Variants in ZNF335 observed in about 807,000 individuals in gnomAD.
The protein encoded by ZNF335 is zinc finger protein 335.
ZNF335 carries 84 observed loss-of-function variants against 145.6 expected under a neutral mutation model. The ratio of observed to expected loss-of-function variants is 0.58; its 90% confidence interval spans 0.48 to 0.69. ZNF335 has a LOEUF of 0.69. ZNF335 is among the 30% of genes least tolerant of loss of function. The probability of loss-of-function intolerance (pLI) is 0.00; values close to 1 mark genes in which losing one functional copy is unlikely to be tolerated. For synonymous variants in ZNF335, 761 were observed against 717.0 expected, an observed-to-expected ratio of 1.06 and a Z score of -0.98; for missense variants, 1,865 against 1,809.7, an observed-to-expected ratio of 1.03 and a Z score of -0.55.
chr20:45,968,594 A>C, intron 3 of ZNF335: 2 of 450,308 alleles, frequency 4.4e-6, no homozygotes, highest in East Asian at 3.2e-5. Context: ...ACACTTACAC[A>C]AGATGCCACA....
chr20:45,953,916 T>G lies in ZNF335; in HGVS notation c.2475A>C (p.Ala825=). The part of the protein sequence containing the change: ...VAVVKSEDVE[A]GLASPGGQPS... Reference sequence around the variant, plus strand: ...GCTGCCCACCAGGGGATGCTAACCCTGCTTCCACATCTTCCGACTTCACCA... The same window carrying G: ...GCTGCCCACCAGGGGATGCTAACCCGGCTTCCACATCTTCCGACTTCACCA... Residue 825 remains alanine (A), a synonymous_variant, in exon 18 of 28, where the codon GCA becomes GCC. Coordinates refer to ENST00000322927, the MANE Select transcript of ZNF335 (RefSeq NM_022095.4). 4.4e-6 allele frequency: 7 copies of G among 1,608,840 alleles called. No homozygotes were observed. The highest frequency in any genetic ancestry group is 5.9e-6 in the Non-Finnish European group (7 of 1,177,564).
At chr20:45,966,081 T>C (rs943977572) in intron 6 of ZNF335, among the ~76,000 whole-genome samples, 1 of 152,132 alleles carries the variant, frequency 6.6e-6, no homozygotes, top group African/African-American at 2.4e-5. Context: ...TAAATAAACA[T>C]TGAAGTCCAC....
chr20:45,971,043 G>T (rs1281876468), intron 2 of ZNF335, among the ~76,000 whole-genome samples, 167 bp downstream of exon 2: 1 of 152,248 alleles, frequency 6.6e-6, no homozygotes, highest in Non-Finnish European at 1.5e-5. Context: ...TAGAAGGTAT[G>T]AAGCTCAAAT....
rs1355278549 is a variant in ZNF335 at position 45,963,464 on chromosome 20, C to T, written c.1533+9G>A. ...TCCCATGAGCCCCAAGCCTCTTTGG[C>T]TCCCGCACCTTGAGCGAGGACCAGC... On this transcript the variant is annotated intron_variant, in intron 9 of 27. Coordinates refer to ENST00000322927, the MANE Select transcript of ZNF335 (RefSeq NM_022095.4). The T allele has an allele frequency of 6.2e-7, 1 of 1,608,366 alleles. No homozygotes were observed.
Position 45,965,655 on chromosome 20 carries a change from G to A in ZNF335, c.1075C>T (p.Arg359Cys), listed in dbSNP as rs144760385. 2.4e-5 allele frequency: 39 copies of A among 1,599,546 alleles called. 1 individual carries two copies. In the South Asian group the frequency reaches 2.8e-4, roughly 11 times the overall value. The change falls in exon 7 of 28, where the codon CGC (arginine) becomes TGC (cysteine). Residue 359 changes from arginine to cysteine, a missense_variant. Transcript: ENST00000322927. ...TCTGGGAGGTCTGAGATCTCCAGGCGGGGCAGCTTCCGGGGCCGGCCAGGT... is the reference window on the plus strand; with the variant it reads ...TCTGGGAGGTCTGAGATCTCCAGGCAGGGCAGCTTCCGGGGCCGGCCAGGT... ...RRPGRPRKLP[R>C]LEISDLPDGV...
chr20:45,968,649 C>G, intron 3 of ZNF335: 1 of 398,408 alleles, frequency 2.5e-6, no homozygotes, highest in East Asian at 3.7e-5. Context: ...CTGGGAAGTC[C>G]TCCTTCCTCT....
At chr20:45,955,936 T>G (rs1437127616) in intron 17 of ZNF335, among the ~76,000 whole-genome samples, 1 of 152,058 alleles carries the variant, frequency 6.6e-6, no homozygotes, top group Non-Finnish European at 1.5e-5. Context: ...GCTGAGAACA[T>G]CCATGTGATC....
At position 45,963,598 on chromosome 20, in the gene ZNF335, A is replaced by C; in HGVS notation, c.1408T>G (p.Cys470Gly). 1 of 1,614,242 alleles carries C rather than the reference A, an allele frequency of 6.2e-7. No individual in the cohort carries two copies. The highest frequency in any genetic ancestry group is 8.5e-7 in the Non-Finnish European group (1 of 1,180,042). Residue 470 changes from cysteine to glycine, a missense_variant, in exon 9 of 28, where the codon TGT becomes GGT. Physicochemically the swap from Cys to Gly is radical, Grantham distance 159. Transcript: ENST00000322927. ...TCGTGGGACAGAAAGCGAGAACCAC[A>C]GATGCGGCACAGGAAGGGCCTCAAA... ...PLLRPFLCRI[C>G]GSRFLSHEDL...
chr20:45,957,996 C>A lies in ZNF335; in HGVS notation c.2254-68G>T. The stretch of plus-strand genomic sequence containing the variant: ...AGATTCAAGTGCCATTTGCCAAGCA[C>A]CTCTGATCTGCCAGATGTTTTACAT... On this transcript the variant is annotated intron_variant, in intron 15 of 27. Coordinates refer to ENST00000322927, the MANE Select transcript of ZNF335 (RefSeq NM_022095.4). The A allele has an allele frequency of 2.4e-6, 3 of 1,258,512 alleles. No individual in the cohort carries two copies. The South Asian group carries it at 3.6e-5, about 15-fold the overall frequency. 78.0% of individuals were successfully genotyped at this position (1,258,512 alleles called of 1,614,324 possible). A position where few individuals can be genotyped will look rare whatever the true frequency, so the allele number is the denominator to read the frequency against.
chr20:45,960,090 G>T, intron 14 of ZNF335, 118 bp downstream of exon 14: 2 of 1,181,800 alleles, frequency 1.7e-6, no homozygotes, highest in Non-Finnish European at 2.4e-6. Flanking sequence ...TGAAGGACTT[G>T]GGCTGTTCTG....
Position 45,950,562 on chromosome 20 carries a change from G to A in ZNF335, c.3223C>T (p.His1075Tyr). 1 of 1,614,122 alleles carries A rather than the reference G, an allele frequency of 6.2e-7. No individual in the cohort carries two copies. The highest frequency in any genetic ancestry group is 8.5e-7 in the Non-Finnish European group (1 of 1,180,038). Residue 1075 changes from histidine to tyrosine, a missense_variant, in exon 21 of 28, where the codon CAC becomes TAC. Coordinates refer to ENST00000322927, the MANE Select transcript of ZNF335 (RefSeq NM_022095.4). ...HMAQHSSLRP[H>Y]QCSQCSFASK... ...GCAAAGCTGCACTGGCTACACTGGT[G>A]GGGCCGTAGGCTTGAGTGCTGTGCC...
chr20:45,951,918 G>A (rs2083640090), intron 20 of ZNF335, among the ~76,000 whole-genome samples: 1 of 152,194 alleles, frequency 6.6e-6, no homozygotes, highest in South Asian at 2.1e-4. Context: ...CTGCACCCTT[G>A]GTTCACACTC....
At position 45,952,261 on chromosome 20, in the gene ZNF335, G is replaced by C. The variant is rs776787665; in HGVS notation, c.3075C>G (p.Ala1025=). 87 of 1,613,258 alleles carry C rather than the reference G, an allele frequency of 5.4e-5. No homozygotes were observed. The highest frequency in any genetic ancestry group is 6.9e-5 in the Non-Finnish European group (81 of 1,180,024). The change falls in exon 20 of 28, where the codon GCC becomes GCG. Residue 1025 remains alanine (A), a synonymous_variant. Transcript: ENST00000322927. ...TCTCAGCTCGGCCAGGGAAGGCCTCGGCACAGATCTTGCAGGAAAACTTCT... is the reference window on the plus strand; with the variant it reads ...TCTCAGCTCGGCCAGGGAAGGCCTCCGCACAGATCTTGCAGGAAAACTTCT... The part of the protein sequence containing the change: ...ASKKFSCKIC[A]EAFPGRAEME...
Position 45,960,567 on chromosome 20 carries a change from T to A in ZNF335, c.1783-42A>T, listed in dbSNP as rs773562874. Reference sequence around the variant, plus strand: ...GCAGTGAGATGGCGATCACCCTCCATCACCCAGGGGAGGCCCTCCTCTCAG... The same window carrying A: ...GCAGTGAGATGGCGATCACCCTCCAACACCCAGGGGAGGCCCTCCTCTCAG... On this transcript the variant is annotated intron_variant, in intron 12 of 27. Coordinates refer to ENST00000322927, the MANE Select transcript of ZNF335 (RefSeq NM_022095.4). 2.5e-6 allele frequency: 4 copies of A among 1,613,686 alleles called. No homozygotes were observed. The South Asian group carries it at 3.3e-5, about 13-fold the overall frequency.
chr20:45,949,237 A>C lies in ZNF335; in HGVS notation c.3834T>G (p.Pro1278=), dbSNP rs762501596. 4 of 1,613,860 alleles carry C rather than the reference A, an allele frequency of 2.5e-6. No individual in the cohort carries two copies. In the East Asian group the frequency reaches 8.9e-5, roughly 36 times the overall value. ...TGACAAGCTGCTGGCCTGGGGACAC[A>C]GGCACATACTGGATCTGGAGGGGAG... ...FLQESQIQYV[P]VSPGQQLVTQ... Residue 1278 remains proline (P), a synonymous_variant, in exon 27 of 28, where the codon CCT becomes CCG. Coordinates refer to ENST00000322927, the MANE Select transcript of ZNF335 (RefSeq NM_022095.4).
intron 10 of ZNF335, 53 bp downstream of exon 10, chr20:45,962,017 T>TGCC: frequency 8.3e-7 from 1 of 1,207,414 alleles, no homozygotes; most frequent in Non-Finnish European, 1.2e-6. Context: ...GGCCTCCACT[T>TGCC]CCCCACCCAA....
In ZNF335 at chr20:45,967,558, T is replaced by C; in HGVS notation, c.891A>G (p.Glu297=). The C allele has an allele frequency of 6.2e-7, 1 of 1,614,080 alleles. No homozygotes were observed. Among genetic ancestry groups the C allele is most frequent in the Non-Finnish European group, 8.5e-7 (1 of 1,179,998 alleles). The part of the protein sequence containing the change: ...KWSTSTKSQE[E]EGPEEEDDDD... The stretch of plus-strand genomic sequence containing the variant: ...CATCGTCCTCCTCCTCTGGTCCCTC[T>C]TCCTCTTGGCTCTTGGTGGAGGTGC... The change falls in exon 6 of 28, where the codon GAA becomes GAG. Residue 297 remains glutamate, a synonymous_variant. Transcript: ENST00000322927.
intron 15 of ZNF335, among the ~76,000 whole-genome samples, chr20:45,958,238 G>C (rs375838152): frequency 1.1e-3 from 168 of 152,222 alleles, no homozygotes; most frequent in Admixed American, 1.9e-3. Context: ...AGTAGAGATG[G>C]GGTTTCTCCA....
At position 45,963,645 on chromosome 20, in the gene ZNF335, T is replaced by C; in HGVS notation, c.1361A>G (p.Tyr454Cys). 2.5e-6 allele frequency: 4 copies of C among 1,614,126 alleles called. No homozygotes were observed. The highest frequency in any genetic ancestry group is 2.2e-5 in the East Asian group (1 of 44,886). The change falls in exon 9 of 28, where the codon TAT (tyrosine) becomes TGT (cysteine). Residue 454 changes from tyrosine to cysteine, a missense_variant. Physicochemically the swap from Tyr to Cys is radical, Grantham distance 194. Transcript: ENST00000322927. ...RFLGKKYRKY[Y>C]YKSPKPLLRP... is the part of the protein sequence containing the mutation. Reference sequence around the variant, plus strand: ...CAAAAGTGGTTTGGGCGACTTGTAATAGTACCTGCAGGATGAGAGTGTGGC... The same window carrying C: ...CAAAAGTGGTTTGGGCGACTTGTAACAGTACCTGCAGGATGAGAGTGTGGC...
Sources: gnomAD v4.1 joint callset for allele counts (sites outside exome capture counted in the v4.1 genomes callset) on GRCh38, gnomAD v4.1.1 for gene constraint, MANE v1.5 for transcripts, NCBI Gene and HGNC (gene_info 2026-07-23, HGNC 2026-07-21) for gene names.